Variants in ADAM19 observed in about 807,000 individuals in gnomAD.
ADAM19 encodes the protein disintegrin and metalloproteinase domain-containing protein 19.
ADAM19 carries 65 observed loss-of-function variants against 114.7 expected under a neutral mutation model. The observed-to-expected ratio is 0.57, with a 90% confidence interval of 0.46 to 0.70. The LOEUF (loss-of-function observed/expected upper bound fraction) is 0.70. Ranked by LOEUF, ADAM19 falls within the 30% of genes least tolerant of loss-of-function variation. ADAM19 has a pLI of 0.00. For synonymous variants in ADAM19, 466 were observed against 460.5 expected, an observed-to-expected ratio of 1.01 and a Z score of -0.15; for missense variants, 1,063 against 1,204.7, an observed-to-expected ratio of 0.88 and a Z score of 1.74.
At chr5:157,554,792 C>T (rs1757320064) in intron 3 of ADAM19, among the ~76,000 whole-genome samples, 1 of 152,234 alleles carries the variant, frequency 6.6e-6, no homozygotes, top group Non-Finnish European at 1.5e-5. Context: ...ATTCCACACA[C>T]ATCCTATGAG....
At chr5:157,571,122 C>T in intron 1 of ADAM19, 142 bp from the exon 2 acceptor site, 1 of 635,162 alleles carries the variant, frequency 1.6e-6, no homozygotes, top group Non-Finnish European at 2.8e-6. Context: ...TTCCTAGGAA[C>T]TAGGCACTCT....
At chr5:157,529,627 A>T (rs1379197444) in intron 5 of ADAM19, among the ~76,000 whole-genome samples, 2 of 152,194 alleles carry the variant, frequency 1.3e-5, no homozygotes, top group Non-Finnish European at 2.9e-5. Context: ...CATCCATGGA[A>T]CACACCTAGA....
At chr5:157,515,961 C>T (rs895855070) in intron 7 of ADAM19, among the ~76,000 whole-genome samples, 15 of 152,336 alleles carry the variant, frequency 9.8e-5, no homozygotes, top group African/African-American at 2.9e-4. Flanking sequence ...TCTCTCTAGG[C>T]AGCAGCAGGG....
At chr5:157,484,812 T>A (rs1017559119) in intron 21 of ADAM19, among the ~76,000 whole-genome samples, 1 of 152,158 alleles carries the variant, frequency 6.6e-6, no homozygotes, top group Admixed American at 6.5e-5. Flanking sequence ...TGGGTGCAGA[T>A]GTCAGGTTGC....
chr5:157,525,689 A>T (rs1437901226), intron 5 of ADAM19, among the ~76,000 whole-genome samples: 1 of 130,204 alleles, frequency 7.7e-6, no homozygotes, highest in Non-Finnish European at 1.7e-5. Context: ...GGGGAGAGGA[A>T]AACACAGAGA....
intron 20 of ADAM19, 49 bp from the exon 21 acceptor site, chr5:157,488,538 T>C (rs1465079924): frequency 7.0e-7 from 1 of 1,422,760 alleles, no homozygotes; most frequent in South Asian, 1.4e-5. Context: ...CACTCAGGGC[T>C]GGCCTTGTGT....
At chr5:157,520,260 T>A (rs3822695) in intron 5 of ADAM19, among the ~76,000 whole-genome samples, 17,468 of 150,938 alleles carry the variant, frequency 0.12, 1,087 homozygotes, top group South Asian at 0.16. Context: ...CTCAGGGCAC[T>A]TGGACCTCCA....
At chr5:157,485,107 C>T (rs903088160) in intron 21 of ADAM19, among the ~76,000 whole-genome samples, 1 of 152,226 alleles carries the variant, frequency 6.6e-6, no homozygotes, top group African/African-American at 2.4e-5. Flanking sequence ...GGGGCGTCAT[C>T]CCCTGCCAAG....
At chr5:157,546,343 G>C (rs1234011907) in intron 3 of ADAM19, among the ~76,000 whole-genome samples, 1 of 152,190 alleles carries the variant, frequency 6.6e-6, no homozygotes, top group Admixed American at 6.5e-5. Flanking sequence ...TGCGTGTTGA[G>C]AGCAGAGAGC....
chr5:157,551,970 C>T (rs1361362689), intron 3 of ADAM19, among the ~76,000 whole-genome samples: 2 of 152,000 alleles, frequency 1.3e-5, no homozygotes, highest in African/African-American at 2.4e-5. Flanking sequence ...GGCAAAACTT[C>T]ATCTCTACTA....
In ADAM19 at chr5:157,513,478, C is replaced by A; in HGVS notation, c.694G>T (p.Ala232Ser). Residue 232 changes from alanine (A) to serine (S), a missense_variant, in exon 8 of 23, where the codon GCC becomes TCC. Ala to Ser is a moderately conservative substitution (Grantham distance 99). Around this residue, in one of 3 missense-constraint regions of ADAM19, gnomAD observed 615 missense variants for 706.3 expected, o/e 0.87. Transcript: ENST00000257527. ...ATCTCTATGAGCTTGTGTTTGGTGG[C>A]GTCCTGGTCTCGTCGATTCTTCTGA... The part of the protein sequence containing the change: ...EFQKNRRDQD[A>S]TKHKLIEIAN... 1 of 1,614,078 alleles carries A rather than the reference C, an allele frequency of 6.2e-7. No individual in the cohort carries two copies. Among genetic ancestry groups the A allele is most frequent in the Non-Finnish European group, 8.5e-7 (1 of 1,179,956 alleles).
At chr5:157,527,470 A>G (rs555959770) in intron 5 of ADAM19, among the ~76,000 whole-genome samples, 28 of 152,276 alleles carry the variant, frequency 1.8e-4, no homozygotes, top group African/African-American at 6.7e-4. Context: ...TCGGCCTCCC[A>G]AAGTGCTGGG....
At chr5:157,505,226 G>A (rs1755703746) in intron 11 of ADAM19, among the ~76,000 whole-genome samples, 2 of 151,920 alleles carry the variant, frequency 1.3e-5, no homozygotes, top group African/African-American at 2.4e-5. Context: ...AAGTCACTGT[G>A]GGGTGTGTGG....
chr5:157,486,511 A>G (rs1173629928), intron 21 of ADAM19, among the ~76,000 whole-genome samples: 3 of 152,098 alleles, frequency 2.0e-5, no homozygotes, highest in African/African-American at 7.2e-5. Flanking sequence ...GGGTATGCAC[A>G]GCCTCCACCA....
intron 22 of ADAM19, 195 bp downstream of exon 22, chr5:157,481,596 C>G (rs1195226797): frequency 6.6e-7 from 1 of 1,525,924 alleles, no homozygotes. Context: ...TTCTAAGAAT[C>G]ACCTTTCACA....
In ADAM19 at chr5:157,519,930, G is replaced by C. The variant is rs374662706; in HGVS notation, c.509C>G (p.Pro170Arg). 2.5e-6 allele frequency: 4 copies of C among 1,613,956 alleles called. No homozygotes were observed. Among genetic ancestry groups the C allele is most frequent in the South Asian group, 1.1e-5 (1 of 91,070 alleles). ...LIYRSEHLKP[P>R]PGNCGFEHSK... is the part of the protein sequence containing the mutation. ...GTGCTCGAACCCACAGTTTCCCGGGGGCGGCTTGAGATGTTCAGATCTGTA... is the reference window on the plus strand; with the variant it reads ...GTGCTCGAACCCACAGTTTCCCGGGCGCGGCTTGAGATGTTCAGATCTGTA... The change falls in exon 6 of 23, where the codon CCC becomes CGC. Residue 170 changes from proline to arginine, a missense_variant. Pro to Arg is a moderately radical substitution (Grantham distance 103, BLOSUM62 -2). Transcript: ENST00000257527.
Position 157,477,691 on chromosome 5 carries a change from T to C in ADAM19, c.*3258A>G. On this transcript the variant is annotated 3_prime_UTR_variant, in exon 23 of 23. Coordinates refer to ENST00000257527, the MANE Select transcript of ADAM19 (RefSeq NM_033274.5). Reference sequence around the variant, plus strand: ...CACGTGGTTAACACAATTACTGACTTTGGAACTGGTCCCCAGTTTTCAAAT... The same window carrying C: ...CACGTGGTTAACACAATTACTGACTCTGGAACTGGTCCCCAGTTTTCAAAT... 1 of 1,289,760 alleles carries C rather than the reference T, an allele frequency of 7.8e-7. No individual in the cohort carries two copies. Among genetic ancestry groups the C allele is most frequent in the Non-Finnish European group, 1.0e-6 (1 of 988,830 alleles). The allele number at this position is 1,289,760 out of a possible 1,614,324, so 79.9% of individuals were successfully genotyped here.
chr5:157,503,340 T>C (rs1324584461), intron 11 of ADAM19, among the ~76,000 whole-genome samples: 1 of 152,056 alleles, frequency 6.6e-6, no homozygotes, highest in African/African-American at 2.4e-5. Context: ...CGGGGCCTGT[T>C]GTAGGGTAGC....
At chr5:157,521,814 A>G (rs761817568) in intron 5 of ADAM19, among the ~76,000 whole-genome samples, 9 of 152,140 alleles carry the variant, frequency 5.9e-5, no homozygotes, top group Non-Finnish European at 1.2e-4. Flanking sequence ...TTATCTTTTC[A>G]TCTCAGCCAA....
Sources: gnomAD v4.1 joint callset for allele counts (sites outside exome capture counted in the v4.1 genomes callset) on GRCh38, gnomAD v4.1.1 for gene constraint, gnomAD v4.1.1 regional missense constraint, MANE v1.5 for transcripts, NCBI Gene and HGNC (gene_info 2026-07-23, HGNC 2026-07-21) for gene names.